The following NGFR variants were observed in gnomAD, a reference collection of about 807,000 sequenced individuals.
The protein encoded by NGFR is nerve growth factor receptor.
In NGFR, 30 loss-of-function variants were observed where a neutral mutation model predicts 43.2. The observed-to-expected ratio is 0.69, with a 90% CI of 0.52 to 0.94. The LOEUF (loss-of-function observed/expected upper bound fraction) is 0.94, where lower values mean the gene tolerates loss of function less well. NGFR is among the 40% of genes least tolerant of loss of function. The pLI is 0.00. For missense variants in NGFR, 529 were observed against 602.5 expected (o/e 0.88, Z 1.28); for synonymous variants, 246 against 259.6 (o/e 0.95, Z 0.50).
chr17:49,501,554 T>A (rs929274146), intron 1 of NGFR, among the ~76,000 whole-genome samples: 3 of 152,198 alleles, frequency 2.0e-5, no homozygotes, highest in Admixed American at 2.0e-4. Flanking sequence ...ATTAAGGACC[T>A]GGAGTAAGGC....
chr17:49,500,411 G>C (rs1360004166), intron 1 of NGFR, among the ~76,000 whole-genome samples: 1 of 152,198 alleles, frequency 6.6e-6, no homozygotes, highest in East Asian at 1.9e-4. Flanking sequence ...ATCAGGCCCT[G>C]GGGCAATCCA....
Position 49,506,317 on chromosome 17 carries a change from T to A in NGFR, c.227T>A (p.Val76Glu). ...PCLDSVTFSD[V>E]VSATEPCKPC... ...CGCTCAGGCGTGACGTTCTCCGACG[T>A]GGTGAGCGCGACCGAGCCGTGCAAG... The change falls in exon 3 of 6, where the codon GTG becomes GAG. Residue 76 changes from valine to glutamate, a missense_variant. Transcript: ENST00000172229. 6.4e-7 allele frequency: 1 copy of A among 1,567,940 alleles called. No homozygotes were observed. Among genetic ancestry groups the A allele is most frequent in the Non-Finnish European group, 8.6e-7 (1 of 1,158,158 alleles).
At chr17:49,499,883 G>A (rs374549595) in intron 1 of NGFR, among the ~76,000 whole-genome samples, 4 of 152,144 alleles carry the variant, frequency 2.6e-5, no homozygotes, top group Admixed American at 1.3e-4. Flanking sequence ...CACCACGCCC[G>A]GCCGGCACAT....
intron 3 of NGFR, among the ~76,000 whole-genome samples, chr17:49,508,317 G>A (rs539247705): frequency 6.6e-6 from 1 of 152,212 alleles, no homozygotes; most frequent in Non-Finnish European, 1.5e-5. Flanking sequence ...TGTGGGAGGA[G>A]CAGGCTTTGT....
At chr17:49,511,858 G>A (rs1156247215) in intron 4 of NGFR, 34 bp from the exon 5 acceptor site, 11 of 1,544,774 alleles carry the variant, frequency 7.1e-6, no homozygotes, top group South Asian at 1.2e-5. Context: ...ACAGCCCCTC[G>A]CCCCCTGAAA....
In NGFR at chr17:49,512,760, G is replaced by A; in HGVS notation, c.1035G>A (p.Glu345=). 1.2e-6 allele frequency: 2 copies of A among 1,613,054 alleles called. No individual in the cohort carries two copies. The highest frequency in any genetic ancestry group is 1.7e-6 in the Non-Finnish European group (2 of 1,179,830). The change falls in exon 6 of 6, where the codon GAG becomes GAA. Residue 345 remains glutamate, a synonymous_variant. Transcript: ENST00000172229. This position sits in a 1 kb window ranked among gnomAD's most constrained non-coding sequence, Gnocchi z 5.2. Reference sequence around the variant, plus strand: ...GCAGCCTGCCCCCAGCCAAGCGGGAGGAGGTGGAGAAGCTTCTCAACGGCT... The same window carrying A: ...GCAGCCTGCCCCCAGCCAAGCGGGAAGAGGTGGAGAAGCTTCTCAACGGCT... The part of the protein sequence containing the change: ...LYSSLPPAKR[E]EVEKLLNGSA...
intron 3 of NGFR, among the ~76,000 whole-genome samples, chr17:49,508,644 T>C (rs1315228474): frequency 6.6e-6 from 1 of 152,204 alleles, no homozygotes. Context: ...TCGGTTTGAA[T>C]AGGGATAACC....
chr17:49,501,999 A>AGGCCCCCCCCCC, intron 1 of NGFR, 64 bp from the exon 2 acceptor site: 3 of 330,984 alleles, frequency 9.1e-6, no homozygotes, highest in Non-Finnish European at 1.2e-5. Context: ...TCCCCGGAAG[A>AGGCCCCCCCCCC]ACCCCCCCCA....
intron 3 of NGFR, among the ~76,000 whole-genome samples, chr17:49,507,608 C>T (rs907697677): frequency 2.6e-5 from 4 of 152,180 alleles, no homozygotes; most frequent in Non-Finnish European, 4.4e-5. Context: ...TGGTGACGTC[C>T]GTCTCAGGGG....
At chr17:49,510,824 T>A in intron 4 of NGFR, 160 bp downstream of exon 4, 2 of 870,094 alleles carry the variant, frequency 2.3e-6, no homozygotes, top group Non-Finnish European at 3.5e-6. Context: ...GTGCAGCAGG[T>A]CAGCAGGAGG....
chr17:49,502,670 G>T (rs563465712), intron 2 of NGFR, among the ~76,000 whole-genome samples: 2 of 152,230 alleles, frequency 1.3e-5, no homozygotes, highest in Admixed American at 1.3e-4. Context: ...CCTCCCTACA[G>T]GCCAACTCTT....
Position 49,512,492 on chromosome 17 carries a change from G to A in NGFR, c.983-216G>A, listed in dbSNP as rs1314375926. 6.6e-6 allele frequency among the ~76,000 whole-genome samples: 1 copy of A among 152,170 alleles called. No individual in the cohort carries two copies. The highest frequency in any genetic ancestry group is 6.5e-5 in the Admixed American group (1 of 15,280). ...TGCTGGGGGGGAAGAGAGGAGGGATGGGGATAGGGATTGGGCTGGAGTGAC... is the reference window on the plus strand; with the variant it reads ...TGCTGGGGGGGAAGAGAGGAGGGATAGGGATAGGGATTGGGCTGGAGTGAC... On this transcript the variant is annotated intron_variant, in intron 5 of 5. Transcript: ENST00000172229. This position sits in a 1 kb window ranked among gnomAD's most constrained non-coding sequence, Gnocchi z 5.2.
At position 49,513,003 on chromosome 17, in the gene NGFR, G is replaced by C. The variant is rs1232700642; in HGVS notation, c.1278G>C (p.Pro426=). Residue 426 remains proline, a synonymous_variant, in exon 6 of 6, where the codon CCG becomes CCC. Transcript: ENST00000172229. The stretch of plus-strand genomic sequence containing the variant: ...GCAGTGAGTCCACTGCCACATCCCC[G>C]GTGTGAGCCCAACCGGGGAGCCCCC... ...SLCSESTATS[P]V 5 of 1,557,996 alleles carry C rather than the reference G, an allele frequency of 3.2e-6. No homozygotes were observed. The highest frequency in any genetic ancestry group is 2.7e-5 in the African/African-American group (2 of 73,934).
In NGFR at chr17:49,512,743, C is replaced by T. The variant is rs760752942; in HGVS notation, c.1018C>T (p.Pro340Ser). ...TGACGGAGGCCTCTACAGCAGCCTG[C>T]CCCCAGCCAAGCGGGAGGAGGTGGA... is the stretch of plus-strand genomic sequence containing the variant. ...KGDGGLYSSL[P>S]PAKREEVEKL... Residue 340 changes from proline to serine, a missense_variant, in exon 6 of 6, where the codon CCC becomes TCC. Coordinates refer to ENST00000172229, the MANE Select transcript of NGFR (RefSeq NM_002507.4). The surrounding 1 kb of genome is among the most constrained non-coding windows in gnomAD (Gnocchi z 5.2). 61 of 1,611,352 alleles carry T rather than the reference C, an allele frequency of 3.8e-5. 1 individual carries two copies. The Admixed American group carries it at 1.0e-3, about 26-fold the overall frequency.
chr17:49,508,868 C>T (rs11466148), intron 3 of NGFR, among the ~76,000 whole-genome samples: 8,772 of 152,266 alleles, frequency 0.058, 285 homozygotes, highest in East Asian at 0.11. Flanking sequence ...GCTCTGATCT[C>T]GGTGATGGTC....
At chr17:49,506,704 G>GGGGGGGGGGGGGGGGC in intron 3 of NGFR, 46 bp downstream of exon 3, 1 of 737,234 alleles carries the variant, frequency 1.4e-6, no homozygotes, top group East Asian at 3.5e-5. Context: ...GCGGGGGTGG[G>GGGGGGGGGGGGGGGGC]CTGGGGGCAT....
chr17:49,510,959 CA>C, intron 4 of NGFR: 1 of 424,876 alleles, frequency 2.4e-6, no homozygotes, highest in South Asian at 2.9e-5. Context: ...TCCTCATCCC[CA>C]ACCTCCTTCA....
chr17:49,501,533 T>C (rs976711927), intron 1 of NGFR, among the ~76,000 whole-genome samples: 1 of 152,216 alleles, frequency 6.6e-6, no homozygotes, highest in African/African-American at 2.4e-5. Flanking sequence ...ATTTATTATT[T>C]AATATGTGGA....
At chr17:49,502,469 G>A (rs1220188937) in intron 2 of NGFR, among the ~76,000 whole-genome samples, 1 of 152,168 alleles carries the variant, frequency 6.6e-6, no homozygotes, top group African/African-American at 2.4e-5. Flanking sequence ...TCTGGAGAAG[G>A]CAGAGGCTTG....
Sources: gnomAD v4.1 joint callset for allele counts (sites outside exome capture counted in the v4.1 genomes callset) on GRCh38, gnomAD v4.1.1 for gene constraint, Gnocchi (gnomAD v3.1) non-coding constraint, MANE v1.5 for transcripts, NCBI Gene and HGNC (gene_info 2026-07-23, HGNC 2026-07-21) for gene names.